Variants in CDON observed in about 807,000 individuals in gnomAD.
CDON encodes cell adhesion associated, oncogene regulated, also known as cell adhesion molecule-related/down-regulated by oncogenes.
A neutral mutation model predicts 120.9 loss-of-function variants in CDON; 73 were observed. The observed-to-expected ratio is 0.60, with a 90% CI of 0.50 to 0.73. The LOEUF (loss-of-function observed/expected upper bound fraction) is 0.73. CDON is among the 30% of genes least tolerant of loss of function. The pLI, the probability that CDON is intolerant of heterozygous loss-of-function variation, is 0.00. For synonymous variants in CDON, 566 were observed against 573.5 expected (o/e 0.99, Z 0.19); for missense variants, 1,470 against 1,587.3 (o/e 0.93, Z 1.26).
chr11:126,026,698 T>A (rs1947802269), intron 1 of CDON, among the ~76,000 whole-genome samples: 2 of 152,198 alleles, frequency 1.3e-5, no homozygotes, highest in Admixed American at 6.5e-5. Flanking sequence ...GAGGGACTAC[T>A]GGCAATGACT....
At chr11:125,982,226 G>A (rs1480147379) in intron 16 of CDON, among the ~76,000 whole-genome samples, 2 of 151,802 alleles carry the variant, frequency 1.3e-5, no homozygotes, top group African/African-American at 4.8e-5. Flanking sequence ...CGCCCACCTC[G>A]GCTTCCCAAA....
At position 126,001,869 on chromosome 11, in the gene CDON, A is replaced by G; in HGVS notation, c.2027-19T>C. 1 of 1,562,668 alleles carries G rather than the reference A, an allele frequency of 6.4e-7. No homozygotes were observed. Among genetic ancestry groups the G allele is most frequent in the Non-Finnish European group, 8.8e-7 (1 of 1,132,890 alleles). On this transcript the variant is annotated intron_variant, in intron 10 of 19. Transcript: ENST00000531738. Reference sequence around the variant, plus strand: ...GTTTTTTCTAGAAAGGTAAATAAACATATACAGTAACATAAGCATATATGT... The same window carrying G: ...GTTTTTTCTAGAAAGGTAAATAAACGTATACAGTAACATAAGCATATATGT...
intron 12 of CDON, among the ~76,000 whole-genome samples, chr11:125,995,611 T>C (rs1169483598): frequency 6.6e-6 from 1 of 152,176 alleles, no homozygotes. Context: ...TTGAATTAGA[T>C]ATTAGGAACT....
At chr11:125,963,731 C>A (rs1444820552) in intron 18 of CDON, among the ~76,000 whole-genome samples, 1 of 152,172 alleles carries the variant, frequency 6.6e-6, no homozygotes, top group African/African-American at 2.4e-5. Context: ...TAAAGTGTGA[C>A]AAGTATTCAT....
chr11:126,048,465 A>G (rs1948463849), intron 1 of CDON, among the ~76,000 whole-genome samples: 1 of 152,140 alleles, frequency 6.6e-6, no homozygotes, highest in South Asian at 2.1e-4. Flanking sequence ...TCAACACCCC[A>G]GATATGCTAT....
rs1235672810 is a variant in CDON at position 126,019,661 on chromosome 11, C to A, written c.454G>T (p.Val152Leu). The A allele has an allele frequency of 1.9e-6, 3 of 1,614,028 alleles. No homozygotes were observed. The African/African-American group carries it at 4.0e-5, about 22-fold the overall frequency. The change falls in exon 4 of 20, where the codon GTG becomes TTG. Residue 152 changes from valine (V) to leucine (L), a missense_variant. Transcript: ENST00000531738. ...CATTTTCCCCGGATTTTATAGCGCACCTCAGCTTTGGGGTTACTCTCCGGT... is the reference window on the plus strand; with the variant it reads ...CATTTTCCCCGGATTTTATAGCGCAACTCAGCTTTGGGGTTACTCTCCGGT... ...RVPESNPKAE[V>L]RYKIRGKWLE...
chr11:126,005,310 AAAAAAAAACAAACAAACAAAC>A (rs1947084313), intron 9 of CDON: 3 of 39,558 alleles, frequency 7.6e-5, no homozygotes, highest in Non-Finnish European at 7.1e-5. Context: ...TCAAAAAAAA[AAAAAAAAACAAACAAACAAAC>A]AAAAAAAAAC....
intron 15 of CDON, among the ~76,000 whole-genome samples, chr11:125,985,259 C>T (rs1361572607): frequency 6.6e-6 from 1 of 152,178 alleles, no homozygotes; most frequent in African/African-American, 2.4e-5. Context: ...ATTGCAGCCC[C>T]GTCTCCCAGG....
Position 125,970,014 on chromosome 11 carries a change from C to T in CDON, c.3357-8016G>A, listed in dbSNP as rs373646557. 2.0e-5 allele frequency among the ~76,000 whole-genome samples: 3 copies of T among 152,212 alleles called. No homozygotes were observed. In the East Asian group the frequency reaches 5.8e-4, roughly 29 times the overall value. ...TTAAGCATGATTATGTACAGAATTA[C>T]TCTGATTAGATGACTATATAATTTT... is the stretch of plus-strand genomic sequence containing the variant. On this transcript the variant is annotated intron_variant, in intron 18 of 19. Coordinates refer to ENST00000531738, the MANE Select transcript of CDON (RefSeq NM_001378964.1).
chr11:125,994,452 G>A (rs940272750), intron 13 of CDON, 63 bp from the exon 14 acceptor site: 1 of 915,604 alleles, frequency 1.1e-6, no homozygotes, highest in Non-Finnish European at 1.8e-6. Flanking sequence ...CATTCATTAA[G>A]GTTTCTTTAT....
intron 18 of CDON, among the ~76,000 whole-genome samples, chr11:125,976,246 G>A (rs558257267): frequency 1.3e-5 from 2 of 152,114 alleles, no homozygotes; most frequent in Non-Finnish European, 2.9e-5. Flanking sequence ...AGAGCTGAAG[G>A]TAGGTACTTA....
In CDON at chr11:126,003,744, G is replaced by T. The variant is rs512761; in HGVS notation, c.2026+158C>A. 0.92 allele frequency among the ~76,000 whole-genome samples: 140,396 copies of T among 152,226 alleles called. 64,782 individuals carry two copies. The highest frequency in any genetic ancestry group is 0.99 in the East Asian group (5,136 of 5,162). On this transcript the variant is annotated intron_variant, in intron 10 of 19. Coordinates refer to ENST00000531738, the MANE Select transcript of CDON (RefSeq NM_001378964.1). ...CTGAGGCCGGAGAACTGCTTGAACC[G>T]GGGAGGCGGAGGTTGCAGTGAGCTG... is the stretch of plus-strand genomic sequence containing the variant.
At position 125,959,409 on chromosome 11, in the gene CDON, C is replaced by T. The variant is rs1016526638; in HGVS notation, c.*1533G>A. The T allele has an allele frequency of 2.6e-5, 4 of 152,146 alleles. No individual in the cohort carries two copies. The highest frequency in any genetic ancestry group is 9.7e-5 in the African/African-American group (4 of 41,428). The allele number at this position is 152,146 out of a possible 1,614,324, so 9.4% of individuals were successfully genotyped here. Reference sequence around the variant, plus strand: ...GTGATCCTTGAAAGCTTGACTCAAGCTATGAAACACACTTACATAATTATT... The same window carrying T: ...GTGATCCTTGAAAGCTTGACTCAAGTTATGAAACACACTTACATAATTATT... On this transcript the variant is annotated 3_prime_UTR_variant, in exon 20 of 20. Coordinates refer to ENST00000531738, the MANE Select transcript of CDON (RefSeq NM_001378964.1).
At chr11:125,984,246 C>T (rs754709186) in intron 15 of CDON, among the ~76,000 whole-genome samples, 153 bp from the exon 16 acceptor site, 4 of 152,160 alleles carry the variant, frequency 2.6e-5, no homozygotes, top group Non-Finnish European at 4.4e-5. Flanking sequence ...ACAAAGAGGG[C>T]TCCAAAGTTT....
At chr11:126,036,803 C>A (rs1948109035) in intron 1 of CDON, among the ~76,000 whole-genome samples, 1 of 152,140 alleles carries the variant, frequency 6.6e-6, no homozygotes, top group South Asian at 2.1e-4. Flanking sequence ...ATCCTCTCAC[C>A]TTAACCTCCC....
intron 14 of CDON, among the ~76,000 whole-genome samples, chr11:125,993,796 T>C (rs879099231): frequency 1.3e-5 from 2 of 152,176 alleles, no homozygotes; most frequent in South Asian, 4.1e-4. Context: ...TCTATTTAAA[T>C]GCAGTAAAAA....
At chr11:126,020,081 A>C (rs570034464) in intron 3 of CDON, among the ~76,000 whole-genome samples, 5 of 152,204 alleles carry the variant, frequency 3.3e-5, no homozygotes, top group Admixed American at 1.3e-4. Flanking sequence ...AAAGAAAAGA[A>C]AGCAGCTGGG....
intron 18 of CDON, among the ~76,000 whole-genome samples, chr11:125,964,723 T>C (rs1945741296): frequency 6.6e-6 from 1 of 152,070 alleles, no homozygotes; most frequent in Non-Finnish European, 1.5e-5. Context: ...CTGACAAGAA[T>C]AGGGCACTTT....
chr11:126,035,694 C>G (rs1035330014), intron 1 of CDON, among the ~76,000 whole-genome samples: 1 of 152,142 alleles, frequency 6.6e-6, no homozygotes, highest in Admixed American at 6.5e-5. Flanking sequence ...TGGCCTATGT[C>G]AGGAAAACCT....
Sources: gnomAD v4.1 joint callset for allele counts (sites outside exome capture counted in the v4.1 genomes callset) on GRCh38, gnomAD v4.1.1 for gene constraint, MANE v1.5 for transcripts, NCBI Gene and HGNC (gene_info 2026-07-23, HGNC 2026-07-21) for gene names.